The following HIRA variants were observed in gnomAD, a reference collection of about 807,000 sequenced individuals.
HIRA encodes histone cell cycle regulator, also known as protein HIRA.
HIRA carries 13 observed loss-of-function variants against 126.6 expected under a neutral mutation model. The observed-to-expected ratio is 0.10, with a 90% CI of 0.07 to 0.16. HIRA has a LOEUF of 0.16. HIRA is among the 10% of genes least tolerant of loss of function. The pLI is 1.00. For missense variants in HIRA, 834 were observed against 1,314.4 expected, an observed-to-expected ratio of 0.63 and a Z score of 5.65; for synonymous variants, 511 against 520.0, an observed-to-expected ratio of 0.98 and a Z score of 0.24.
At chr22:19,386,357 T>C (rs1351528453) in intron 11 of HIRA, among the ~76,000 whole-genome samples, 1 of 152,170 alleles carries the variant, frequency 6.6e-6, no homozygotes, top group Admixed American at 6.5e-5. Context: ...AGAGCAGAGA[T>C]GGTGTCCCCA....
intron 8 of HIRA, among the ~76,000 whole-genome samples, chr22:19,393,615 C>T (rs1352052040): frequency 6.6e-6 from 1 of 152,138 alleles, no homozygotes; most frequent in Non-Finnish European, 1.5e-5. Flanking sequence ...CACAGCCTCC[C>T]AAAGTGCTGG....
chr22:19,428,893 C>T (rs1210854995), intron 1 of HIRA, among the ~76,000 whole-genome samples: 1 of 152,164 alleles, frequency 6.6e-6, no homozygotes, highest in Non-Finnish European at 1.5e-5. Flanking sequence ...ATTTTACTGG[C>T]CACTACCCAC....
At chr22:19,381,732 T>G (rs1427606572) in intron 13 of HIRA, among the ~76,000 whole-genome samples, 1 of 152,226 alleles carries the variant, frequency 6.6e-6, no homozygotes, top group Non-Finnish European at 1.5e-5. Context: ...GATCTTGAAT[T>G]TATTATGTTT....
chr22:19,407,256 CG>C lies in HIRA; in HGVS notation c.229del (p.Arg77GlyfsTer9). On this transcript the variant is annotated frameshift_variant, in exon 4 of 25. Coordinates refer to ENST00000263208, the MANE Select transcript of HIRA (RefSeq NM_003325.4). LOFTEE classifies it high-confidence loss of function. ...DNHLACVNCVRWSNSGMYLAS... is the reference protein window; with the variant it reads ...DNHLACVNCVXWSNSGMYLAS... Reference sequence around the variant, plus strand: ...TAAATACATCCCACTGTTTGACCACCGCACACAGTTCACACATGCTGGGAAG... The same window carrying C: ...TAAATACATCCCACTGTTTGACCACCCACACAGTTCACACATGCTGGGAAG... The C allele has an allele frequency of 6.2e-7, 1 of 1,613,502 alleles. No homozygotes were observed. The highest frequency in any genetic ancestry group is 8.5e-7 in the Non-Finnish European group (1 of 1,179,596).
At chr22:19,408,172 T>C (rs1431673546) in intron 3 of HIRA, among the ~76,000 whole-genome samples, 1 of 152,164 alleles carries the variant, frequency 6.6e-6, no homozygotes, top group Non-Finnish European at 1.5e-5. Flanking sequence ...AATTGTCTCT[T>C]GCGCACCCTT....
chr22:19,420,468 A>AAAAAC (rs1556028309), intron 1 of HIRA, among the ~76,000 whole-genome samples: 2 of 130,874 alleles, frequency 1.5e-5, no homozygotes, highest in Admixed American at 8.0e-5. Context: ...GTCTCAAAAA[A>AAAAAC]AAAAAAAAAA....
intron 14 of HIRA, among the ~76,000 whole-genome samples, chr22:19,377,416 C>T (rs2089029619): frequency 6.6e-6 from 1 of 152,232 alleles, no homozygotes; most frequent in South Asian, 2.1e-4. Context: ...GGTGAGGACA[C>T]AGGCTCTGTG....
rs777914879 is a variant in HIRA, at chr22:19,423,482, TACACAC to T, written c.37+7952_37+7957del. On this transcript the variant is annotated intron_variant, in intron 1 of 24. Coordinates refer to ENST00000263208, the MANE Select transcript of HIRA (RefSeq NM_003325.4). Reference sequence around the variant, plus strand: ...ACACACACTGACTCACACACATGCATACACACACACACACACACACACACACACACA... The same window carrying T: ...ACACACACTGACTCACACACATGCATACACACACACACACACACACACACA... Among the ~76,000 whole-genome samples, 988 of 111,290 alleles carry T rather than the reference TACACAC, an allele frequency of 8.9e-3. 11 individuals are homozygous for T. The highest frequency in any genetic ancestry group is 0.026 in the African/African-American group (749 of 28,496). The allele number at this position is 111,290 out of a possible 152,430, so 73.0% of individuals were successfully genotyped here. A position where few individuals can be genotyped will look rare whatever the true frequency, so the allele number is the denominator to read the frequency against.
intron 24 of HIRA, among the ~76,000 whole-genome samples, chr22:19,333,459 T>C (rs1556005092): frequency 6.6e-6 from 1 of 152,198 alleles, no homozygotes; most frequent in East Asian, 1.9e-4. Flanking sequence ...AGTTAATTAT[T>C]ACCATAAAGA....
At chr22:19,420,456 CTG>C (rs1170393173) in intron 1 of HIRA, among the ~76,000 whole-genome samples, 1 of 77,556 alleles carries the variant, frequency 1.3e-5, no homozygotes, top group South Asian at 5.0e-4. Flanking sequence ...ACAAAAAAAA[CTG>C]TCTCAAAAAA....
intron 14 of HIRA, among the ~76,000 whole-genome samples, chr22:19,377,061 G>A (rs1277255244): frequency 6.6e-6 from 1 of 152,230 alleles, no homozygotes; most frequent in African/African-American, 2.4e-5. Flanking sequence ...CTGGGGGGCT[G>A]CTGCCCCTAA....
At chr22:19,370,741 A>T (rs1335703029) in intron 15 of HIRA, among the ~76,000 whole-genome samples, 1 of 152,210 alleles carries the variant, frequency 6.6e-6, no homozygotes, top group Non-Finnish European at 1.5e-5. Context: ...CTAGAAGCTC[A>T]CTATACTCAT....
chr22:19,377,888 C>T lies in HIRA; in HGVS notation c.1594G>A (p.Asp532Asn), dbSNP rs756848176. 14 of 1,610,692 alleles carry T rather than the reference C, an allele frequency of 8.7e-6. No homozygotes were observed. Among genetic ancestry groups the T allele is most frequent in the Admixed American group, 1.7e-5 (1 of 59,500 alleles). ...ACTAACCTGTCTTTATTGACAGAAT[C>T]GCCTGCAGGTCTGGCACTGGCAGCC... ...VVAASARPAG[D>N]SVNKDSMNAT... The change falls in exon 14 of 25, where the codon GAT becomes AAT. Residue 532 changes from aspartate to asparagine, a missense_variant. Transcript: ENST00000263208.
In HIRA at chr22:19,384,520, C is replaced by T. The variant is rs539045177; in HGVS notation, c.1330-815G>A. 7.1e-4 allele frequency among the ~76,000 whole-genome samples: 108 copies of T among 151,850 alleles called. 1 individual carries two copies. The highest frequency in any genetic ancestry group is 1.4e-3 in the Admixed American group (21 of 15,262). On this transcript the variant is annotated intron_variant, in intron 12 of 24. Transcript: ENST00000263208. ...CTCCTGGTACAACTAAATAAGACAC[C>T]CAAGCAAAGAACAAGCAGTGGGTAC...
In HIRA at chr22:19,331,549, C is replaced by T. The variant is rs200311539; in HGVS notation, c.2945G>A (p.Arg982Gln). 2.0e-5 allele frequency: 32 copies of T among 1,599,400 alleles called. No homozygotes were observed. Among genetic ancestry groups the T allele is most frequent in the Admixed American group, 1.2e-4 (7 of 59,328 alleles). The change falls in exon 25 of 25, where the codon CGG becomes CAG. Residue 982 changes from arginine to glutamine, a missense_variant. Physicochemically the swap from Arg to Gln is conservative, Grantham distance 43. This residue lies in a region of HIRA where 58 missense variants were observed against 114.5 expected (regional missense o/e 0.51). Coordinates refer to ENST00000263208, the MANE Select transcript of HIRA (RefSeq NM_003325.4). ...SQWESTVVGL[R>Q]KRELLKELLP... Reference sequence around the variant, plus strand: ...CAGCTCCTTCAGCAGCTCCCTCTTCCGCAGACCCTGTGGACACAGAGTGAC... The same window carrying T: ...CAGCTCCTTCAGCAGCTCCCTCTTCTGCAGACCCTGTGGACACAGAGTGAC...
At position 19,331,135 on chromosome 22, in the gene HIRA, C is replaced by T. The variant is rs1218970333; in HGVS notation, c.*305G>A. 6 of 1,309,600 alleles carry T rather than the reference C, an allele frequency of 4.6e-6. No homozygotes were observed. The Admixed American group carries it at 1.2e-4, about 26-fold the overall frequency. 81.1% of individuals were successfully genotyped at this position (1,309,600 alleles called of 1,614,324 possible). On this transcript the variant is annotated 3_prime_UTR_variant, in exon 25 of 25. Coordinates refer to ENST00000263208, the MANE Select transcript of HIRA (RefSeq NM_003325.4). Reference sequence around the variant, plus strand: ...GCAGGGGCTAGTGTCCACCTTGGGGCCGTGCTGGAGACGGCAGGCCTGGGA... The same window carrying T: ...GCAGGGGCTAGTGTCCACCTTGGGGTCGTGCTGGAGACGGCAGGCCTGGGA...
At chr22:19,413,151 A>G (rs2089367464) in intron 1 of HIRA, among the ~76,000 whole-genome samples, 1 of 152,228 alleles carries the variant, frequency 6.6e-6, no homozygotes, top group South Asian at 2.1e-4. Context: ...GAGATGGCTC[A>G]GCAAGCATCA....
At chr22:19,395,368 G>A (rs1428941133) in intron 7 of HIRA, among the ~76,000 whole-genome samples, 3 of 152,170 alleles carry the variant, frequency 2.0e-5, no homozygotes, top group African/African-American at 7.2e-5. Context: ...GGCCCACCCA[G>A]TAGAGGCTGA....
chr22:19,428,112 T>C lies in HIRA; in HGVS notation c.37+3328A>G, dbSNP rs553374882. On this transcript the variant is annotated intron_variant, in intron 1 of 24. Coordinates refer to ENST00000263208, the MANE Select transcript of HIRA (RefSeq NM_003325.4). ...GTCTTATTTTACCAAGGCCCAGAAG[T>C]AGAGTTATAAGTCCAAGAATTTACA... 2.0e-5 allele frequency among the ~76,000 whole-genome samples: 3 copies of C among 152,306 alleles called. No individual in the cohort carries two copies. The South Asian group carries it at 6.2e-4, about 32-fold the overall frequency.
Sources: allele counts gnomAD v4.1 joint callset (sites outside exome capture counted in the v4.1 genomes callset), GRCh38; gene constraint gnomAD v4.1.1; regional missense constraint gnomAD v4.1.1; transcripts MANE v1.5; gene names NCBI Gene and HGNC (gene_info 2026-07-23, HGNC 2026-07-21).